Variants in KMT2E observed in about 807,000 individuals in gnomAD.
The protein encoded by KMT2E is lysine methyltransferase 2E (inactive).
KMT2E carries 30 observed loss-of-function variants against 184.6 expected under a neutral mutation model. The ratio of observed to expected loss-of-function variants is 0.16; its 90% CI spans 0.12 to 0.22. KMT2E has a LOEUF of 0.22. KMT2E is among the 10% of genes least tolerant of loss of function. The pLI is 1.00. For synonymous variants in KMT2E, 815 were observed against 776.5 expected (o/e 1.05, Z -0.82); for missense variants, 2,023 against 2,237.4 (o/e 0.90, Z 1.93).
chr7:105,075,835 C>T (rs1006093280), intron 8 of KMT2E, among the ~76,000 whole-genome samples: 6 of 151,904 alleles, frequency 3.9e-5, no homozygotes, highest in East Asian at 1.9e-4. Context: ...GACAGGTGCC[C>T]GCCACCACTC....
At chr7:105,078,305 A>G (rs1245740809) in intron 11 of KMT2E, among the ~76,000 whole-genome samples, 1 of 151,986 alleles carries the variant, frequency 6.6e-6, no homozygotes, top group Non-Finnish European at 1.5e-5. Context: ...ATTGCCTTTG[A>G]TTTAGGTGAG....
chr7:105,076,101 G>C lies in KMT2E; in HGVS notation c.768+20G>C, dbSNP rs201578626. The C allele has an allele frequency of 1.9e-6, 3 of 1,549,852 alleles. No homozygotes were observed. The highest frequency in any genetic ancestry group is 2.7e-5 in the African/African-American group (2 of 73,566). On this transcript the variant is annotated intron_variant, in intron 9 of 26. Coordinates refer to ENST00000311117, the MANE Select transcript of KMT2E (RefSeq NM_182931.3). ...GTTAAGGTAAATACATTAATTTTAAGGTGTTGTTATCAACTGTCATTTATT... is the reference window on the plus strand; with the variant it reads ...GTTAAGGTAAATACATTAATTTTAACGTGTTGTTATCAACTGTCATTTATT...
intron 3 of KMT2E, among the ~76,000 whole-genome samples, chr7:105,048,545 T>A (rs959188348): frequency 5.4e-5 from 8 of 147,498 alleles, no homozygotes; most frequent in Non-Finnish European, 8.8e-5. Flanking sequence ...TTCTCATTTT[T>A]AAATTTAATT....
chr7:105,101,699 TAGCATTTTTCAGATCCTATGGG>T (rs1798662769), intron 16 of KMT2E, 110 bp downstream of exon 16: 2 of 1,052,240 alleles, frequency 1.9e-6, no homozygotes, highest in Non-Finnish European at 2.6e-6. Flanking sequence ...AGCTTTTTAA[TAGCATTTTTCAGATCCTATGGG>T]AGTTTCAGCT....
At chr7:105,052,676 A>G (rs1584732194) in intron 3 of KMT2E, among the ~76,000 whole-genome samples, 1 of 152,132 alleles carries the variant, frequency 6.6e-6, no homozygotes, top group South Asian at 2.1e-4. Flanking sequence ...CTCCTGCCTC[A>G]GCCTCCCAAG....
chr7:105,063,686 A>G (rs1584747210), intron 5 of KMT2E, 106 bp downstream of exon 5: 1 of 726,650 alleles, frequency 1.4e-6, no homozygotes, highest in South Asian at 2.1e-5. Flanking sequence ...ATGGATACAT[A>G]TTTTAAGTGG....
Position 105,020,617 on chromosome 7 carries a change from G to C in KMT2E, c.-189+6082G>C, listed in dbSNP as rs143284925. Among the ~76,000 whole-genome samples, 1,172 of 152,258 alleles carry C rather than the reference G, an allele frequency of 7.7e-3. 23 individuals are homozygous for C. Among genetic ancestry groups the C allele is most frequent in the African/African-American group, 0.027 (1,134 of 41,552 alleles). Reference sequence around the variant, plus strand: ...TAAATAAAGTTTATGTAATTATGCTGTCTCATGTTTTATCTGAGACCAAAA... The same window carrying C: ...TAAATAAAGTTTATGTAATTATGCTCTCTCATGTTTTATCTGAGACCAAAA... On this transcript the variant is annotated intron_variant, in intron 1 of 26. Coordinates refer to ENST00000311117, the MANE Select transcript of KMT2E (RefSeq NM_182931.3).
At position 105,073,615 on chromosome 7, in the gene KMT2E, G is replaced by A. The variant is rs145147042; in HGVS notation, c.498-4G>A. ...TAAATAATTATGCTAATTTTTTAAT[G>A]TAGGAATTTGGATAAAGAGAGGGCA... On this transcript the variant is annotated splice_region_variant and splice_polypyrimidine_tract_variant and intron_variant, in intron 6 of 26. Transcript: ENST00000311117. 3.1e-3 allele frequency: 4,969 copies of A among 1,580,236 alleles called. 129 individuals are homozygous for A. The East Asian group carries it at 0.061, about 19-fold the overall frequency.
chr7:105,045,009 G>T (rs903843924), intron 3 of KMT2E, among the ~76,000 whole-genome samples: 4 of 152,174 alleles, frequency 2.6e-5, no homozygotes, highest in Non-Finnish European at 4.4e-5. Flanking sequence ...TGACTCATTT[G>T]GATTAAGTCT....
intron 1 of KMT2E, among the ~76,000 whole-genome samples, chr7:105,022,991 G>A (rs896577103): frequency 7.2e-5 from 11 of 152,086 alleles, no homozygotes; most frequent in Non-Finnish European, 1.5e-4. Context: ...GTTTTCCACC[G>A]AAATGGGATT....
At position 105,106,640 on chromosome 7, in the gene KMT2E, T is replaced by C. The variant is rs760080814; in HGVS notation, c.2715T>C (p.Pro905=). The C allele has an allele frequency of 4.3e-6, 7 of 1,614,150 alleles. No homozygotes were observed. Reference sequence around the variant, plus strand: ...CACCAACTCACACCGATATTACTCCTATGGACCCATCTTTTGCCACGCCTC... The same window carrying C: ...CACCAACTCACACCGATATTACTCCCATGGACCCATCTTTTGCCACGCCTC... The part of the protein sequence containing the change: ...YATPTHTDIT[P]MDPSFATPPR... Residue 905 remains proline, a synonymous_variant, in exon 20 of 27, where the codon CCT becomes CCC. Transcript: ENST00000311117.
intron 13 of KMT2E, among the ~76,000 whole-genome samples, chr7:105,086,277 A>G (rs1438851017): frequency 6.6e-6 from 1 of 152,192 alleles, no homozygotes; most frequent in Non-Finnish European, 1.5e-5. Flanking sequence ...TAGTATGTAC[A>G]TGTTCTCTCC....
intron 6 of KMT2E, among the ~76,000 whole-genome samples, chr7:105,070,211 C>T (rs1476542512): frequency 6.6e-6 from 1 of 151,858 alleles, no homozygotes; most frequent in Non-Finnish European, 1.5e-5. Flanking sequence ...CCCAAGAGAA[C>T]AGCAGCTTGA....
At chr7:105,017,468 G>C (rs1310092269) in intron 1 of KMT2E, among the ~76,000 whole-genome samples, 1 of 140,376 alleles carries the variant, frequency 7.1e-6, no homozygotes, top group Non-Finnish European at 1.5e-5. Flanking sequence ...CCTGTAAAAT[G>C]ATACTGGCTT....
chr7:105,018,370 TTAA>T (rs1794803576), intron 1 of KMT2E, among the ~76,000 whole-genome samples: 4 of 152,208 alleles, frequency 2.6e-5, no homozygotes, highest in South Asian at 2.1e-4. Flanking sequence ...TAAAAATATT[TTAA>T]TAATGTGTAA....
chr7:105,074,574 G>A, intron 7 of KMT2E, 69 bp from the exon 8 acceptor site: 1 of 1,152,346 alleles, frequency 8.7e-7, no homozygotes, highest in Non-Finnish European at 1.2e-6. Context: ...TTGTCATATG[G>A]AATGCTGTTT....
In KMT2E at chr7:105,097,409, G is replaced by A. The variant is rs374509090; in HGVS notation, c.1723-4016G>A. Among the ~76,000 whole-genome samples, 6 of 152,022 alleles carry A rather than the reference G, an allele frequency of 3.9e-5. No individual in the cohort carries two copies. The South Asian group carries it at 6.2e-4, about 16-fold the overall frequency. ...TTATTTTTTTCATTTTTTTTGAGAC[G>A]GAGTCACACTCCGTTGCCAGGCCTG... On this transcript the variant is annotated intron_variant, in intron 15 of 26. Transcript: ENST00000311117.
At chr7:105,028,614 C>T (rs994879949) in intron 1 of KMT2E, among the ~76,000 whole-genome samples, 5 of 152,106 alleles carry the variant, frequency 3.3e-5, no homozygotes, top group Non-Finnish European at 5.9e-5. Flanking sequence ...ACCTCAGCTT[C>T]CCTAGCTTAC....
Position 105,112,035 on chromosome 7 carries a change from C to G in KMT2E, c.4279C>G (p.Gln1427Glu). ...PQTHVRNSSE[Q>E]LSQKLPSVPT... ...GACACACGTTCGTAATTCATCTGAG[C>G]AACTTTCACAAAAGCTGCCTTCTGT... The change falls in exon 27 of 27, where the codon CAA becomes GAA. Residue 1427 changes from glutamine (Q) to glutamate (E), a missense_variant. Gln to Glu is a conservative substitution (Grantham distance 29, BLOSUM62 2). Transcript: ENST00000311117. 1 of 1,614,188 alleles carries G rather than the reference C, an allele frequency of 6.2e-7. No homozygotes were observed. The highest frequency in any genetic ancestry group is 8.5e-7 in the Non-Finnish European group (1 of 1,180,018).
Sources: gnomAD v4.1 joint callset for allele counts (sites outside exome capture counted in the v4.1 genomes callset) on GRCh38, gnomAD v4.1.1 for gene constraint, MANE v1.5 for transcripts, NCBI Gene and HGNC (gene_info 2026-07-23, HGNC 2026-07-21) for gene names.